The following HDAC9 variants were observed in gnomAD, a reference collection of about 807,000 sequenced individuals.
HDAC9 encodes the protein histone deacetylase 9, also known as MEF-2 interacting transcription repressor (MITR) protein.
A neutral mutation model predicts 139.4 loss-of-function variants in HDAC9; 41 were observed. That is an observed-to-expected ratio of 0.29 (90% confidence interval 0.23 to 0.38). The LOEUF is 0.38. Among genes scored for constraint, HDAC9 ranks in the 10% least tolerant of loss-of-function variants. The pLI is 1.00. For synonymous variants in HDAC9, 517 were observed against 476.2 expected (o/e 1.09, Z -1.12); for missense variants, 1,147 against 1,297.0 (o/e 0.88, Z 1.78).
intron 1 of HDAC9, among the ~76,000 whole-genome samples, chr7:18,377,493 T>C (rs575934527): frequency 1.3e-4 from 20 of 152,346 alleles, no homozygotes; most frequent in African/African-American, 4.8e-4. Context: ...CTTTTTTTCC[T>C]TTTAAGAATG....
chr7:18,739,402 T>C (rs1326706639), intron 13 of HDAC9, among the ~76,000 whole-genome samples: 1 of 152,242 alleles, frequency 6.6e-6, no homozygotes, highest in Non-Finnish European at 1.5e-5. Context: ...TGTGGTTTTA[T>C]CTACCTTTGG....
chr7:18,184,730 A>G (rs1363678526), intron 2 of HDAC9, among the ~76,000 whole-genome samples: 4 of 152,298 alleles, frequency 2.6e-5, no homozygotes, highest in South Asian at 2.1e-4. Context: ...TTATTTCACA[A>G]TCAGAATCCA....
chr7:18,913,050 G>A (rs1802876585), intron 22 of HDAC9, among the ~76,000 whole-genome samples: 1 of 152,042 alleles, frequency 6.6e-6, no homozygotes, highest in African/African-American at 2.4e-5. Context: ...TATTTTCTCT[G>A]CTTAAAAACT....
At chr7:18,581,113 A>G (rs1827691881) in intron 2 of HDAC9, among the ~76,000 whole-genome samples, 1 of 152,164 alleles carries the variant, frequency 6.6e-6, no homozygotes, top group Non-Finnish European at 1.5e-5. Flanking sequence ...ACACAGAACC[A>G]TCAGTGTGCT....
intron 6 of HDAC9, among the ~76,000 whole-genome samples, chr7:18,627,440 G>C (rs1842003629): frequency 1.3e-5 from 2 of 152,084 alleles, no homozygotes; most frequent in African/African-American, 4.8e-5. Flanking sequence ...CTAGGTTTTA[G>C]ATAAATATAT....
intron 12 of HDAC9, among the ~76,000 whole-genome samples, chr7:18,669,347 A>C (rs1483729015): frequency 1.3e-5 from 2 of 151,884 alleles, no homozygotes; most frequent in Non-Finnish European, 3.0e-5. Context: ...GTGACAGCAC[A>C]TAAATTTAAA....
At chr7:18,156,293 G>A (rs1247370344) in intron 1 of HDAC9, among the ~76,000 whole-genome samples, 3 of 152,170 alleles carry the variant, frequency 2.0e-5, no homozygotes, top group African/African-American at 7.2e-5. Flanking sequence ...CCTGGGAAGT[G>A]ACCCTATCTT....
At chr7:18,102,159 C>T (rs749485690) in intron 1 of HDAC9, among the ~76,000 whole-genome samples, 21 of 152,178 alleles carry the variant, frequency 1.4e-4, no homozygotes, top group Non-Finnish European at 2.2e-4. Flanking sequence ...TTCAGGAGCA[C>T]ATCTTGCTAT....
chr7:18,691,549 G>A (rs186221859), intron 12 of HDAC9, among the ~76,000 whole-genome samples: 2 of 152,084 alleles, frequency 1.3e-5, no homozygotes, highest in Non-Finnish European at 2.9e-5. Flanking sequence ...TATTTGGCTT[G>A]TAGGTAAAGG....
intron 8 of HDAC9, among the ~76,000 whole-genome samples, chr7:18,641,538 A>G (rs1785592265): frequency 6.6e-6 from 1 of 152,156 alleles, no homozygotes; most frequent in South Asian, 2.1e-4. Context: ...GTTAAACAAT[A>G]GCCATTCATA....
chr7:18,372,287 T>G (rs1413115756), intron 1 of HDAC9, among the ~76,000 whole-genome samples: 1 of 152,162 alleles, frequency 6.6e-6, no homozygotes, highest in East Asian at 1.9e-4. Context: ...ACATGGACAC[T>G]CATGAGAATC....
intron 8 of HDAC9, among the ~76,000 whole-genome samples, chr7:18,642,577 A>G (rs551660884): frequency 1.8e-4 from 27 of 152,162 alleles, no homozygotes; most frequent in African/African-American, 6.5e-4. Flanking sequence ...TTAGCCTCCA[A>G]AAAATTCTGG....
chr7:18,641,952 G>C (rs1178512925), intron 8 of HDAC9, among the ~76,000 whole-genome samples: 1 of 152,090 alleles, frequency 6.6e-6, no homozygotes, highest in African/African-American at 2.4e-5. Context: ...AAGCATAGTT[G>C]AGGAAAGCTG....
Position 18,749,086 on chromosome 7 carries a change from T to C in HDAC9, c.1991T>C (p.Ile664Thr). The change falls in exon 14 of 26, where the codon ATA (isoleucine) becomes ACA (threonine). Residue 664 changes from isoleucine to threonine, a missense_variant. Around this residue, in one of 7 missense-constraint regions of HDAC9, gnomAD observed 407 missense variants for 521.5 expected, o/e 0.78. Coordinates refer to ENST00000686413, the MANE Select transcript of HDAC9 (RefSeq NM_178425.4). ...STTHPEHAGR[I>T]QSIWSRLQET... ...ACCCACCCTGAGCATGCTGGACGAA[T>C]ACAGAGTATCTGGTCACGACTGCAA... 1 of 1,613,804 alleles carries C rather than the reference T, an allele frequency of 6.2e-7. No individual in the cohort carries two copies. Among genetic ancestry groups the C allele is most frequent in the Non-Finnish European group, 8.5e-7 (1 of 1,179,806 alleles).
chr7:18,889,794 C>G (rs1277301947), intron 22 of HDAC9, among the ~76,000 whole-genome samples: 1 of 152,200 alleles, frequency 6.6e-6, no homozygotes, highest in Non-Finnish European at 1.5e-5. Flanking sequence ...AGCTCCTGGG[C>G]TCAAGTGATC....
At chr7:18,521,819 T>C (rs1805152072) in intron 2 of HDAC9, among the ~76,000 whole-genome samples, 1 of 152,238 alleles carries the variant, frequency 6.6e-6, no homozygotes, top group Non-Finnish European at 1.5e-5. Flanking sequence ...ATTAATATTC[T>C]GAAATGATTC....
chr7:18,785,300 C>A (rs139652331), intron 16 of HDAC9, among the ~76,000 whole-genome samples: 4 of 151,874 alleles, frequency 2.6e-5, no homozygotes, highest in African/African-American at 9.7e-5. Flanking sequence ...GGAAAGGACA[C>A]TGATTAAAGT....
At chr7:18,601,120 C>T (rs996564218) in intron 6 of HDAC9, among the ~76,000 whole-genome samples, 17 of 152,194 alleles carry the variant, frequency 1.1e-4, no homozygotes, top group African/African-American at 4.1e-4. Flanking sequence ...ACGAATAATT[C>T]TTTCATTTAG....
chr7:18,531,087 T>C (rs1808782962), intron 2 of HDAC9, among the ~76,000 whole-genome samples: 1 of 152,078 alleles, frequency 6.6e-6, no homozygotes, highest in Admixed American at 6.6e-5. Context: ...ATTGACTTAA[T>C]GCATGGTAAT....
Sources: gnomAD v4.1 joint callset for allele counts (sites outside exome capture counted in the v4.1 genomes callset) on GRCh38, gnomAD v4.1.1 for gene constraint, gnomAD v4.1.1 regional missense constraint, MANE v1.5 for transcripts, NCBI Gene and HGNC (gene_info 2026-07-23, HGNC 2026-07-21) for gene names.